The following RELN variants were observed in gnomAD, a reference collection of about 807,000 sequenced individuals.
RELN encodes reelin.
In RELN, 108 loss-of-function variants were observed where a neutral mutation model predicts 427.6. The ratio of observed to expected loss-of-function variants is 0.25; its 90% confidence interval spans 0.22 to 0.30. The LOEUF is 0.30. Among genes scored for constraint, RELN ranks in the 10% least tolerant of loss-of-function variants. The pLI, the probability that RELN is intolerant of heterozygous loss-of-function variation, is 1.00. For missense variants in RELN, 3,715 were observed against 4,302.8 expected, an observed-to-expected ratio of 0.86 and a Z score of 3.82; for synonymous variants, 1,524 against 1,513.4, an observed-to-expected ratio of 1.01 and a Z score of -0.16.
intron 3 of RELN, among the ~76,000 whole-genome samples, chr7:103,823,523 T>C (rs1414439559): frequency 6.6e-6 from 1 of 152,030 alleles, no homozygotes; most frequent in African/African-American, 2.4e-5. Context: ...AACAGTCAAC[T>C]GAGCCCATAA....
chr7:103,561,917 G>T lies in RELN; in HGVS notation c.5247C>A (p.Asn1749Lys). Residue 1749 changes from asparagine (N) to lysine (K), a missense_variant, in exon 35 of 65, where the codon AAC becomes AAA. Transcript: ENST00000428762. Reference sequence around the variant, plus strand: ...CCCAGGAATCAGCCCCCACAGTGTAGTTGGCCTGAATCCATCTGAACCGGG... The same window carrying T: ...CCCAGGAATCAGCCCCCACAGTGTATTTGGCCTGAATCCATCTGAACCGGG... ...PRTRFRWIQA[N>K]YTVGADSWAI... 6.8e-6 allele frequency: 10 copies of T among 1,472,530 alleles called. No individual in the cohort carries two copies. Among genetic ancestry groups the T allele is most frequent in the Non-Finnish European group, 8.2e-6 (9 of 1,094,290 alleles). The allele number at this position is 1,472,530 out of a possible 1,614,324, so 91.2% of individuals were successfully genotyped here.
chr7:103,787,446 TAAAG>T (rs1232972265), intron 3 of RELN, among the ~76,000 whole-genome samples: 1 of 151,734 alleles, frequency 6.6e-6, no homozygotes, highest in East Asian at 1.9e-4. Flanking sequence ...GCCAGACTAA[TAAAG>T]AAGAAGAAAA....
intron 1 of RELN, among the ~76,000 whole-genome samples, chr7:103,977,527 C>T (rs912283549): frequency 6.6e-6 from 1 of 152,060 alleles, no homozygotes; most frequent in African/African-American, 2.4e-5. Flanking sequence ...CGCAATTCCA[C>T]CCTACCCCTG....
At chr7:103,496,973 G>C (rs931630062) in intron 55 of RELN, among the ~76,000 whole-genome samples, 1 of 152,120 alleles carries the variant, frequency 6.6e-6, no homozygotes, top group South Asian at 2.1e-4. Flanking sequence ...AGGATATTTC[G>C]AAAGAGTTGG....
At chr7:103,812,497 G>C (rs1386961549) in intron 3 of RELN, among the ~76,000 whole-genome samples, 1 of 152,178 alleles carries the variant, frequency 6.6e-6, no homozygotes, top group African/African-American at 2.4e-5. Context: ...AATGAAAGTG[G>C]TGACTCTAAA....
chr7:103,938,370 T>C (rs989838738), intron 1 of RELN, among the ~76,000 whole-genome samples: 2 of 152,222 alleles, frequency 1.3e-5, no homozygotes, highest in Non-Finnish European at 2.9e-5. Flanking sequence ...GACATGTTTT[T>C]AGAAATATAC....
Position 103,959,146 on chromosome 7 carries a change from T to G in RELN, c.226+29985A>C, listed in dbSNP as rs554202251. On this transcript the variant is annotated intron_variant, in intron 1 of 64. Transcript: ENST00000428762. ...TTAGTAGAGACGGGGCTTTGCCATG[T>G]TGGCCAGGCTGGTCTCGAATTCCTG... Among the ~76,000 whole-genome samples, 6 of 152,272 alleles carry G rather than the reference T, an allele frequency of 3.9e-5. No homozygotes were observed. The East Asian group carries it at 1.2e-3, about 29-fold the overall frequency.
chr7:103,974,899 A>G (rs189707465), intron 1 of RELN, among the ~76,000 whole-genome samples: 116 of 152,384 alleles, frequency 7.6e-4, no homozygotes, highest in Admixed American at 4.9e-3. Context: ...GCTTCTGGGA[A>G]TAACAACTTT....
chr7:103,948,120 TGTTA>T (rs1027371530), intron 1 of RELN, among the ~76,000 whole-genome samples: 7 of 152,356 alleles, frequency 4.6e-5, no homozygotes, highest in African/African-American at 1.7e-4. Context: ...TGTTTAACAC[TGTTA>T]GTGTCTATAA....
intron 4 of RELN, among the ~76,000 whole-genome samples, chr7:103,764,147 C>A (rs1791370349): frequency 6.6e-6 from 1 of 152,052 alleles, no homozygotes; most frequent in Non-Finnish European, 1.5e-5. Flanking sequence ...TAAATGACAC[C>A]CAAATGTAGT....
At chr7:103,974,725 TG>T in intron 1 of RELN, among the ~76,000 whole-genome samples, 1 of 152,340 alleles carries the variant, frequency 6.6e-6, no homozygotes, top group South Asian at 2.1e-4. Context: ...TCCATTTTTG[TG>T]TGTTTTCTAT....
At chr7:103,895,353 C>T (rs532582856) in intron 2 of RELN, among the ~76,000 whole-genome samples, 1 of 152,042 alleles carries the variant, frequency 6.6e-6, no homozygotes, top group Middle Eastern at 3.4e-3. Context: ...CAAATGGGGG[C>T]CCATTAAAAT....
intron 10 of RELN, among the ~76,000 whole-genome samples, chr7:103,694,520 A>ATG (rs368058726): frequency 4.0e-5 from 6 of 150,286 alleles, no homozygotes; most frequent in South Asian, 2.1e-4. Flanking sequence ...GACGATGATG[A>ATG]TGTGTGTGTG....
intron 3 of RELN, among the ~76,000 whole-genome samples, chr7:103,823,342 T>C (rs372776987): frequency 6.6e-6 from 1 of 152,052 alleles, no homozygotes; most frequent in South Asian, 2.1e-4. Flanking sequence ...TAATTGACAA[T>C]TTACTTAAAA....
intron 12 of RELN, among the ~76,000 whole-genome samples, chr7:103,655,028 T>C (rs1016888535): frequency 6.6e-6 from 1 of 152,042 alleles, no homozygotes; most frequent in Non-Finnish European, 1.5e-5. Flanking sequence ...CACAGGCTGG[T>C]CTTGAACTCC....
chr7:103,606,473 GT>G (rs1236387898), intron 22 of RELN, among the ~76,000 whole-genome samples: 1 of 152,264 alleles, frequency 6.6e-6, no homozygotes, highest in Middle Eastern at 3.4e-3. Context: ...GGGGCTTGTA[GT>G]TCCTCACCTC....
intron 8 of RELN, among the ~76,000 whole-genome samples, chr7:103,715,620 T>C (rs1789917901): frequency 6.6e-6 from 1 of 152,182 alleles, no homozygotes; most frequent in Admixed American, 6.5e-5. Flanking sequence ...ACAGCTGTCC[T>C]CCTCCCTGCT....
intron 57 of RELN, among the ~76,000 whole-genome samples, chr7:103,495,459 C>T (rs557264201): frequency 1.4e-5 from 2 of 143,048 alleles, no homozygotes; most frequent in East Asian, 2.1e-4. Flanking sequence ...CATGGTTCCA[C>T]TGCACCCGGC....
chr7:103,651,239 G>C (rs191874291), intron 15 of RELN, among the ~76,000 whole-genome samples: 307 of 151,898 alleles, frequency 2.0e-3, no homozygotes, highest in Non-Finnish European at 2.9e-3. Flanking sequence ...CCCCCAATGA[G>C]GTATATTAAA....
Sources: gnomAD v4.1 joint callset for allele counts (sites outside exome capture counted in the v4.1 genomes callset) on GRCh38, gnomAD v4.1.1 for gene constraint, MANE v1.5 for transcripts, NCBI Gene and HGNC (gene_info 2026-07-23, HGNC 2026-07-21) for gene names.